GNAL: variants seen among roughly 807,000 people sequenced by gnomAD.
GNAL encodes the protein G protein subunit alpha L.
A neutral mutation model predicts 55.1 loss-of-function variants in GNAL; 18 were observed. The observed-to-expected ratio is 0.33, with a 90% CI of 0.23 to 0.48. The LOEUF (loss-of-function observed/expected upper bound fraction) is 0.48. Among genes scored for constraint, GNAL ranks in the 20% least tolerant of loss-of-function variants. GNAL has a pLI of 0.99. For missense variants in GNAL, 412 were observed against 614.1 expected (o/e 0.67, Z 3.48); for synonymous variants, 253 against 237.0 (o/e 1.07, Z -0.62).
At chr18:11,870,716 T>C (rs1305646750) in intron 9 of GNAL, among the ~76,000 whole-genome samples, 2 of 152,066 alleles carry the variant, frequency 1.3e-5, no homozygotes, top group Non-Finnish European at 2.9e-5. Flanking sequence ...ACACACACAA[T>C]ACATACATAT....
rs528647289 is a variant in GNAL, at chr18:11,747,964, C to T, written c.377-4889C>T. 8.5e-4 allele frequency among the ~76,000 whole-genome samples: 129 copies of T among 152,262 alleles called. 1 individual carries two copies. Among genetic ancestry groups the T allele is most frequent in the Admixed American group, 8.3e-3 (127 of 15,306 alleles). ...CTGCGGTTGCCTAGCAACAGACGCT[C>T]ACACTGGCAGCGGGCGCCACTCTGC... On this transcript the variant is annotated intron_variant, in intron 1 of 11. Transcript: ENST00000334049.
At position 11,870,892 on chromosome 18, in the gene GNAL, G is replaced by A. The variant is rs571664775; in HGVS notation, c.1032-1376G>A. 3.3e-5 allele frequency among the ~76,000 whole-genome samples: 5 copies of A among 152,224 alleles called. No homozygotes were observed. The East Asian group carries it at 9.6e-4, about 29-fold the overall frequency. ...ATTTGTGGTAATAAGACTGTTAATA[G>A]GAAAGAAACAGGGTCAGGAAATACC... On this transcript the variant is annotated intron_variant, in intron 9 of 11. Transcript: ENST00000334049.
At chr18:11,811,977 C>T (rs2034829484) in intron 4 of GNAL, among the ~76,000 whole-genome samples, 1 of 152,092 alleles carries the variant, frequency 6.6e-6, no homozygotes, top group African/African-American at 2.4e-5. Context: ...ATTTCTGTTC[C>T]CACACAAATA....
intron 4 of GNAL, among the ~76,000 whole-genome samples, chr18:11,754,446 G>T (rs557522466): frequency 1.3e-5 from 2 of 152,022 alleles, no homozygotes; most frequent in Non-Finnish European, 2.9e-5. Context: ...ACTACAATGG[G>T]ATTGCAAGAA....
chr18:11,760,148 G>A (rs1037214989), intron 4 of GNAL, among the ~76,000 whole-genome samples: 2 of 152,072 alleles, frequency 1.3e-5, no homozygotes, highest in Non-Finnish European at 2.9e-5. Context: ...TGCTGGGTGC[G>A]CTACAAACAA....
chr18:11,817,122 A>G (rs2034977276), intron 4 of GNAL, among the ~76,000 whole-genome samples: 1 of 152,206 alleles, frequency 6.6e-6, no homozygotes, highest in Non-Finnish European at 1.5e-5. Flanking sequence ...GTATACTCAA[A>G]AAGTTGTTTA....
intron 7 of GNAL, 34 bp downstream of exon 7, chr18:11,864,640 GCC>G: frequency 9.1e-7 from 1 of 1,104,728 alleles, no homozygotes; most frequent in Non-Finnish European, 1.4e-6. Flanking sequence ...ATGGCCCAGG[GCC>G]ACATGATGTC....
intron 1 of GNAL, among the ~76,000 whole-genome samples, chr18:11,744,357 A>G (rs1040801556): frequency 6.6e-6 from 1 of 152,246 alleles, no homozygotes; most frequent in African/African-American, 2.4e-5. Flanking sequence ...TTATGTACAG[A>G]AAAGGAAAAT....
Position 11,752,450 on chromosome 18 carries a change from G to A in GNAL, c.377-403G>A. On this transcript the variant is annotated intron_variant, in intron 1 of 11. Coordinates refer to ENST00000334049, the MANE Select transcript of GNAL (RefSeq NM_182978.4). The surrounding 1 kb of genome is among the most constrained non-coding windows in gnomAD (Gnocchi z 4.5). ...CGGGCAGGCATGGGGTGTTTGGGCG[G>A]CAACAGCAAGACGACGGAAGACCAG... The A allele has an allele frequency of 6.2e-7, 1 of 1,611,104 alleles. No individual in the cohort carries two copies. The highest frequency in any genetic ancestry group is 8.5e-7 in the Non-Finnish European group (1 of 1,178,812).
At chr18:11,817,527 T>TCGC (rs2034986715) in intron 4 of GNAL, among the ~76,000 whole-genome samples, 1 of 152,232 alleles carries the variant, frequency 6.6e-6, no homozygotes, top group Admixed American at 6.5e-5. Context: ...ATCACGCTTC[T>TCGC]TGCTAGGAAA....
intron 4 of GNAL, among the ~76,000 whole-genome samples, chr18:11,773,035 G>T (rs965644542): frequency 2.1e-4 from 32 of 152,160 alleles, no homozygotes; most frequent in African/African-American, 7.5e-4. Flanking sequence ...ACCTGCCTTT[G>T]TGCTTCACTC....
intron 5 of GNAL, among the ~76,000 whole-genome samples, chr18:11,829,089 G>T (rs2035318009): frequency 6.6e-6 from 1 of 152,196 alleles, no homozygotes; most frequent in African/African-American, 2.4e-5. Flanking sequence ...TCAAATTACA[G>T]AAAGCCACAG....
chr18:11,758,201 G>T (rs543508977), intron 4 of GNAL, among the ~76,000 whole-genome samples: 17 of 152,312 alleles, frequency 1.1e-4, no homozygotes, highest in Non-Finnish European at 1.9e-4. Flanking sequence ...ACTTGAGAAG[G>T]CAGAGAACAG....
intron 1 of GNAL, chr18:11,746,794 G>C (rs2032697470): frequency 2.2e-6 from 1 of 456,816 alleles, no homozygotes; most frequent in Non-Finnish European, 4.4e-6. Context: ...CTGGCATGGA[G>C]GGCAGCCCTG....
intron 4 of GNAL, among the ~76,000 whole-genome samples, chr18:11,769,011 TATTCTATATTATA>T (rs1568018637): frequency 2.4e-4 from 22 of 91,220 alleles, no homozygotes; most frequent in African/African-American, 1.6e-3. Context: ...AGAATATATA[TATTCTATATTATA>T]ATATATTATA....
chr18:11,804,721 C>A (rs1465646638), intron 4 of GNAL, among the ~76,000 whole-genome samples: 2 of 131,006 alleles, frequency 1.5e-5, no homozygotes, highest in South Asian at 2.6e-4. Flanking sequence ...AGTACAGGAG[C>A]GGTTTGAGTG....
chr18:11,713,962 C>G (rs1382651317), intron 1 of GNAL, among the ~76,000 whole-genome samples: 2 of 152,344 alleles, frequency 1.3e-5, no homozygotes, highest in South Asian at 2.1e-4. Context: ...AACACCTTCT[C>G]TGTCCTTGAC....
At chr18:11,772,963 G>A (rs977039646) in intron 4 of GNAL, among the ~76,000 whole-genome samples, 2 of 152,230 alleles carry the variant, frequency 1.3e-5, no homozygotes, top group Admixed American at 6.5e-5. Flanking sequence ...TCCTCCCTGC[G>A]GACAGAGGCC....
At chr18:11,788,936 TAC>T (rs1555650657) in intron 4 of GNAL, among the ~76,000 whole-genome samples, 2,545 of 128,214 alleles carry the variant, frequency 0.02, 108 homozygotes, top group African/African-American at 0.036. Flanking sequence ...TATATATATA[TAC>T]ACATATATAT....
Sources: allele counts gnomAD v4.1 joint callset (sites outside exome capture counted in the v4.1 genomes callset), GRCh38; gene constraint gnomAD v4.1.1; non-coding constraint Gnocchi (gnomAD v3.1); transcripts MANE v1.5; gene names NCBI Gene and HGNC (gene_info 2026-07-23, HGNC 2026-07-21).